Variants in PDE7A observed in about 807,000 individuals in gnomAD.
PDE7A encodes phosphodiesterase 7A, also known as high affinity 3',5'-cyclic-AMP phosphodiesterase 7A.
A neutral mutation model predicts 64.3 loss-of-function variants in PDE7A; 39 were observed. That is an observed-to-expected ratio of 0.61 (90% confidence interval 0.47 to 0.79). The LOEUF is 0.79. PDE7A is among the 30% of genes least tolerant of loss of function. The pLI is 0.00. For missense variants in PDE7A, 470 were observed against 582.8 expected, an observed-to-expected ratio of 0.81 and a Z score of 1.99; for synonymous variants, 203 against 206.8, an observed-to-expected ratio of 0.98 and a Z score of 0.16.
chr8:65,773,606 T>C (rs1809173818), intron 3 of PDE7A, among the ~76,000 whole-genome samples: 1 of 152,248 alleles, frequency 6.6e-6, no homozygotes, highest in Non-Finnish European at 1.5e-5. Flanking sequence ...TTATCCAATT[T>C]GACCTTCTTT....
At chr8:65,774,638 ATATT>A (rs1809205518) in intron 3 of PDE7A, among the ~76,000 whole-genome samples, 1 of 151,520 alleles carries the variant, frequency 6.6e-6, no homozygotes, top group Non-Finnish European at 1.5e-5. Context: ...TAATATTTAA[ATATT>A]TAGTTAATTT....
intron 7 of PDE7A, among the ~76,000 whole-genome samples, chr8:65,730,239 G>A (rs1806817808): frequency 7.7e-6 from 1 of 129,770 alleles, no homozygotes; most frequent in African/African-American, 2.9e-5. Context: ...GCAGAGTAAT[G>A]GCGCAATCAC....
intron 12 of PDE7A, 92 bp downstream of exon 12, chr8:65,723,449 A>C: frequency 8.5e-7 from 1 of 1,175,000 alleles, no homozygotes; most frequent in Non-Finnish European, 1.1e-6. Context: ...AAATGAGCAT[A>C]ATTTTAATAT....
At position 65,715,989 on chromosome 8, in the gene PDE7A, T is replaced by G. The variant is rs1459703427; in HGVS notation, c.*3301A>C. On this transcript the variant is annotated 3_prime_UTR_variant, in exon 13 of 13. Transcript: ENST00000401827. ...TCCAGCCTGGGCGACAGAGCAAGGCTCTGTCTCAAAAAAAAAAAAAAAAAA... is the reference window on the plus strand; with the variant it reads ...TCCAGCCTGGGCGACAGAGCAAGGCGCTGTCTCAAAAAAAAAAAAAAAAAA... Among the ~76,000 whole-genome samples the G allele has an allele frequency of 3.2e-5, 3 of 93,210 alleles. No individual in the cohort carries two copies. Among genetic ancestry groups the G allele is most frequent in the African/African-American group, 1.2e-4 (3 of 24,394 alleles). The allele number at this position is 93,210 out of a possible 152,430, so 61.1% of individuals were successfully genotyped here.
intron 1 of PDE7A, among the ~76,000 whole-genome samples, chr8:65,832,973 AC>A (rs1403976572): frequency 6.6e-6 from 1 of 152,176 alleles, no homozygotes. Flanking sequence ...CTAGAGTTTA[AC>A]CCATTTCCAC....
chr8:65,830,436 T>G (rs756171989), intron 1 of PDE7A, among the ~76,000 whole-genome samples: 1 of 152,152 alleles, frequency 6.6e-6, no homozygotes, highest in African/African-American at 2.4e-5. Context: ...AAAGCACTTT[T>G]TAATGACCAT....
intron 12 of PDE7A, 189 bp from the exon 13 acceptor site, chr8:65,719,684 C>T (rs1401925394): frequency 5.3e-6 from 3 of 566,200 alleles, no homozygotes; most frequent in Non-Finnish European, 9.4e-6. Context: ...GAACTGATTT[C>T]TTAAGTAACT....
chr8:65,723,346 T>C, intron 12 of PDE7A, 195 bp downstream of exon 12: 1 of 420,984 alleles, frequency 2.4e-6, no homozygotes, highest in Non-Finnish European at 3.8e-6. Flanking sequence ...TCTGCAAAAA[T>C]ATACTTTTTA....
intron 1 of PDE7A, 73 bp downstream of exon 1, chr8:65,841,298 G>A (rs543884348): frequency 3.9e-5 from 55 of 1,397,836 alleles, no homozygotes; most frequent in Non-Finnish European, 4.8e-5. Context: ...GGTTGTAGAG[G>A]AGGTGAAGCT....
At chr8:65,719,541 C>T (rs370634214) in intron 12 of PDE7A, 46 bp from the exon 13 acceptor site, 1 of 1,250,726 alleles carries the variant, frequency 8.0e-7, no homozygotes, top group Non-Finnish European at 1.2e-6. Context: ...TGCTGAAACT[C>T]TATCTTTAAA....
rs1455156759 is a variant in PDE7A at position 65,842,006 on chromosome 8, C to T, written c.-498G>A. 2.5e-5 allele frequency: 6 copies of T among 242,910 alleles called. No individual in the cohort carries two copies. Among genetic ancestry groups the T allele is most frequent in the Admixed American group, 6.0e-5 (1 of 16,798 alleles). 15.0% of individuals were successfully genotyped at this position (242,910 alleles called of 1,614,324 possible). On this transcript the variant is annotated 5_prime_UTR_variant, in exon 1 of 13. Transcript: ENST00000401827. ...CGCCGCCGCCGCCGGAGTCCTGCTC[C>T]TCCCCTCCCCCGGAGCCTGACTTCA... is the stretch of plus-strand genomic sequence containing the variant.
At chr8:65,760,456 T>A (rs1808434410) in intron 3 of PDE7A, among the ~76,000 whole-genome samples, 1 of 152,186 alleles carries the variant, frequency 6.6e-6, no homozygotes, top group Non-Finnish European at 1.5e-5. Context: ...TCCCTTAGAA[T>A]AAGTATTCAG....
intron 1 of PDE7A, among the ~76,000 whole-genome samples, chr8:65,795,309 A>G (rs1809809620): frequency 1.3e-5 from 2 of 152,342 alleles, no homozygotes; most frequent in Admixed American, 1.3e-4. Context: ...AATCCTGCAG[A>G]GCACAGCGGT....
chr8:65,762,602 A>G (rs912541558), intron 3 of PDE7A, among the ~76,000 whole-genome samples: 1 of 152,236 alleles, frequency 6.6e-6, no homozygotes, highest in Admixed American at 6.5e-5. Flanking sequence ...TAAAGATTAA[A>G]TGAGATAATA....
chr8:65,832,962 CCTAGAGTTTAACCCATTTCCA>C (rs1810869103), intron 1 of PDE7A, among the ~76,000 whole-genome samples: 2 of 152,156 alleles, frequency 1.3e-5, no homozygotes, highest in South Asian at 4.1e-4. Flanking sequence ...GTCAGCATGA[CCTAGAGTTTAACCCATTTCCA>C]CTACTTAATT....
chr8:65,840,096 C>A (rs1047396211), intron 1 of PDE7A, among the ~76,000 whole-genome samples: 1 of 152,186 alleles, frequency 6.6e-6, no homozygotes, highest in Non-Finnish European at 1.5e-5. Flanking sequence ...ATTCTGGAAT[C>A]TGAACATGCT....
In PDE7A at chr8:65,795,622, C is replaced by T. The variant is rs931889314; in HGVS notation, c.139-12779G>A. On this transcript the variant is annotated intron_variant, in intron 1 of 12. Coordinates refer to ENST00000401827, the MANE Select transcript of PDE7A (RefSeq NM_001242318.3). ...CATTCCATAGAGATTCCAGAAATGC[C>T]ATACCGTTAGGAGGTACTAGTCCAT... Among the ~76,000 whole-genome samples, 3 of 151,970 alleles carry T rather than the reference C, an allele frequency of 2.0e-5. No individual in the cohort carries two copies. The East Asian group carries it at 5.8e-4, about 29-fold the overall frequency.
At chr8:65,789,109 G>C in intron 1 of PDE7A, 1 of 1,330,866 alleles carries the variant, frequency 7.5e-7, no homozygotes, top group Non-Finnish European at 9.7e-7. Flanking sequence ...GACTCCTCTG[G>C]GAATGCACTA....
chr8:65,784,456 A>G (rs1809495262), intron 1 of PDE7A, among the ~76,000 whole-genome samples: 2 of 152,162 alleles, frequency 1.3e-5, no homozygotes, highest in African/African-American at 4.8e-5. Context: ...AAAATATATT[A>G]CACATGGAAC....
Sources: allele counts gnomAD v4.1 joint callset (sites outside exome capture counted in the v4.1 genomes callset), GRCh38; gene constraint gnomAD v4.1.1; transcripts MANE v1.5; gene names NCBI Gene and HGNC (gene_info 2026-07-23, HGNC 2026-07-21).